The following DIXDC1 variants were observed in gnomAD, a reference collection of about 807,000 sequenced individuals.
DIXDC1 encodes dixin.
Under a neutral mutation model 103.1 loss-of-function variants are expected in DIXDC1, and 64 were observed. That is an observed-to-expected ratio of 0.62 (90% CI 0.51 to 0.76). The LOEUF is 0.76. Ranked by LOEUF, DIXDC1 falls within the 30% of genes least tolerant of loss-of-function variation. DIXDC1 has a pLI of 0.00. For synonymous variants in DIXDC1, 266 were observed against 298.5 expected (o/e 0.89, Z 1.12); for missense variants, 759 against 834.2 (o/e 0.91, Z 1.11).
At chr11:111,994,677 T>TA (rs1555175100) in intron 14 of DIXDC1, among the ~76,000 whole-genome samples, 2 of 152,012 alleles carry the variant, frequency 1.3e-5, no homozygotes, top group African/African-American at 4.8e-5. Context: ...TATTCACCAT[T>TA]ATTTTTAAAT....
intron 17 of DIXDC1, among the ~76,000 whole-genome samples, chr11:112,007,161 C>CACAAGCTTCAATAGCCA (rs1861262978): frequency 6.6e-6 from 1 of 152,094 alleles, no homozygotes; most frequent in Admixed American, 6.6e-5. Flanking sequence ...GTGATGCACG[C>CACAAGCTTCAATAGCCA]ACAAGCTTCA....
chr11:111,950,574 G>A (rs1966772104), intron 1 of DIXDC1, among the ~76,000 whole-genome samples: 1 of 146,280 alleles, frequency 6.8e-6, no homozygotes, highest in Non-Finnish European at 1.5e-5. Context: ...TCCTGCCTCA[G>A]CCTCCCGAGT....
In DIXDC1 at chr11:111,988,988, C is replaced by T; in HGVS notation, c.1063-17C>T. 1 of 1,608,162 alleles carries T rather than the reference C, an allele frequency of 6.2e-7. No individual in the cohort carries two copies. The highest frequency in any genetic ancestry group is 2.2e-5 in the East Asian group (1 of 44,770). ...ACCCAGATGTCACCATCTGATCTAA[C>T]TATATTTGGTTTGCAGAAGGAACTG... On this transcript the variant is annotated splice_polypyrimidine_tract_variant and intron_variant, in intron 9 of 19. Coordinates refer to ENST00000440460, the MANE Select transcript of DIXDC1 (RefSeq NM_001037954.4).
chr11:111,952,802 A>G (rs1418380156), intron 1 of DIXDC1, among the ~76,000 whole-genome samples: 1 of 151,360 alleles, frequency 6.6e-6, no homozygotes, highest in Non-Finnish European at 1.5e-5. Context: ...CCTGGGTGAC[A>G]GCGTGAGACT....
chr11:111,972,900 A>G (rs1245776105), intron 3 of DIXDC1, among the ~76,000 whole-genome samples: 3 of 151,780 alleles, frequency 2.0e-5, no homozygotes, highest in East Asian at 3.9e-4. Context: ...CTCTACTAAA[A>G]ATACAAACAT....
chr11:111,955,085 T>A (rs587706260), intron 1 of DIXDC1, among the ~76,000 whole-genome samples: 1 of 152,202 alleles, frequency 6.6e-6, no homozygotes, highest in East Asian at 1.9e-4. Context: ...CAAATCTTGC[T>A]TTCTAAAAAC....
At chr11:111,975,273 A>G in intron 5 of DIXDC1, 1 of 1,214,684 alleles carries the variant, frequency 8.2e-7, no homozygotes, top group Non-Finnish European at 1.0e-6. Context: ...GGCCCAGTCC[A>G]GTGGTTCTGA....
chr11:111,996,397 G>A (rs1334056409), intron 17 of DIXDC1: 2 of 311,896 alleles, frequency 6.4e-6, no homozygotes, highest in Non-Finnish European at 1.2e-5. Context: ...TATCTTTGAA[G>A]AACACAGAAG....
chr11:111,988,106 C>T (rs1860560370), intron 9 of DIXDC1, among the ~76,000 whole-genome samples: 1 of 152,116 alleles, frequency 6.6e-6, no homozygotes, highest in Non-Finnish European at 1.5e-5. Context: ...TCAAGCGATC[C>T]TCCCACCTCA....
chr11:112,001,796 GC>G (rs1448101245), intron 17 of DIXDC1, among the ~76,000 whole-genome samples: 3 of 131,926 alleles, frequency 2.3e-5, no homozygotes, highest in Non-Finnish European at 3.2e-5. Context: ...TGGTTTTGTT[GC>G]CCAGGCTGGA....
chr11:112,008,006 A>C (rs1861291003), intron 17 of DIXDC1, among the ~76,000 whole-genome samples: 1 of 152,156 alleles, frequency 6.6e-6, no homozygotes, highest in African/African-American at 2.4e-5. Context: ...GAAAAGTGAC[A>C]GACTGGCAAA....
chr11:112,016,281 A>G (rs1861586908), intron 17 of DIXDC1, among the ~76,000 whole-genome samples: 1 of 152,050 alleles, frequency 6.6e-6, no homozygotes, highest in Admixed American at 6.6e-5. Flanking sequence ...TCTTGTTCCT[A>G]TCGGTTTTTC....
intron 1 of DIXDC1, among the ~76,000 whole-genome samples, chr11:111,963,402 A>G (rs782235754): frequency 2.6e-5 from 4 of 152,238 alleles, no homozygotes; most frequent in Non-Finnish European, 4.4e-5. Context: ...CTTCCAAACG[A>G]TGTTATTTAT....
chr11:111,972,690 T>C (rs150670145), intron 3 of DIXDC1, among the ~76,000 whole-genome samples: 1,791 of 152,268 alleles, frequency 0.012, 21 homozygotes, highest in African/African-American at 0.04. Context: ...TTTCACTTCC[T>C]CCACCACAGT....
chr11:112,004,673 T>G (rs781796733), intron 17 of DIXDC1, among the ~76,000 whole-genome samples: 6 of 152,170 alleles, frequency 3.9e-5, no homozygotes, highest in Non-Finnish European at 7.3e-5. Context: ...ATACAGAGAC[T>G]GACTGAGGCA....
chr11:111,977,414 A>G lies in DIXDC1; in HGVS notation c.656+2431A>G, dbSNP rs1283981797. On this transcript the variant is annotated intron_variant, in intron 5 of 19. Coordinates refer to ENST00000440460, the MANE Select transcript of DIXDC1 (RefSeq NM_001037954.4). The surrounding 1 kb of genome is among the most constrained non-coding windows in gnomAD (Gnocchi z 6.1). The stretch of plus-strand genomic sequence containing the variant: ...GGAGATGGGTTGAGATGCCCCCGCC[A>G]GGGGGGATGCCCGGCACCGTGCGTC... 4 of 1,158,350 alleles carry G rather than the reference A, an allele frequency of 3.5e-6. No individual in the cohort carries two copies. The highest frequency in any genetic ancestry group is 3.2e-6 in the Non-Finnish European group (3 of 938,572). The allele number at this position is 1,158,350 out of a possible 1,614,324, so 71.8% of individuals were successfully genotyped here.
In DIXDC1 at chr11:111,986,457, C is replaced by T. The variant is rs1445902167; in HGVS notation, c.1009-414C>T. Among the ~76,000 whole-genome samples the T allele has an allele frequency of 5.3e-5, 8 of 151,342 alleles. 1 individual carries two copies. The highest frequency in any genetic ancestry group is 2.6e-4 in the Admixed American group (4 of 15,194). ...TTGGCTCACTGCAACCTCTGCCTCCCGGGTTCAAGTGATTCTCCTGCCTCA... is the reference window on the plus strand; with the variant it reads ...TTGGCTCACTGCAACCTCTGCCTCCTGGGTTCAAGTGATTCTCCTGCCTCA... On this transcript the variant is annotated intron_variant, in intron 8 of 19. Transcript: ENST00000440460.
chr11:111,986,292 A>G (rs1283424004), intron 8 of DIXDC1, among the ~76,000 whole-genome samples: 7 of 151,004 alleles, frequency 4.6e-5, no homozygotes, highest in African/African-American at 1.7e-4. Flanking sequence ...TTCTCTCCAA[A>G]TTCATCTCTT....
intron 1 of DIXDC1, among the ~76,000 whole-genome samples, chr11:111,952,577 C>T (rs181167534): frequency 6.6e-6 from 1 of 152,188 alleles, no homozygotes; most frequent in African/African-American, 2.4e-5. Flanking sequence ...AATCCCAGCA[C>T]TTTGGGAGAC....
Sources: gnomAD v4.1 joint callset for allele counts (sites outside exome capture counted in the v4.1 genomes callset) on GRCh38, gnomAD v4.1.1 for gene constraint, Gnocchi (gnomAD v3.1) non-coding constraint, MANE v1.5 for transcripts, NCBI Gene and HGNC (gene_info 2026-07-23, HGNC 2026-07-21) for gene names.